DLGAP2: variants seen among roughly 807,000 people sequenced by gnomAD.
DLGAP2 encodes DLG associated protein 2.
Under a neutral mutation model 100.3 loss-of-function variants are expected in DLGAP2, and 26 were observed. The ratio of observed to expected loss-of-function variants is 0.26; its 90% CI spans 0.19 to 0.36. The LOEUF (loss-of-function observed/expected upper bound fraction) is 0.36. DLGAP2 is among the 10% of genes least tolerant of loss of function. The pLI, the probability that DLGAP2 is intolerant of heterozygous loss-of-function variation, is 1.00. For missense variants in DLGAP2, 1,858 were observed against 1,453.2 expected, an observed-to-expected ratio of 1.28 and a Z score of -4.53; for synonymous variants, 886 against 630.1, an observed-to-expected ratio of 1.41 and a Z score of -6.08.
intron 2 of DLGAP2, among the ~76,000 whole-genome samples, chr8:1,188,455 CGGA>C (rs1302235843): frequency 0.011 from 1,508 of 135,118 alleles, 256 homozygotes; most frequent in African/African-American, 0.045. Flanking sequence ...GTTTCCCTCA[CGGA>C]ATCTCGCACG....
chr8:898,618 G>A (rs551917049), intron 1 of DLGAP2, among the ~76,000 whole-genome samples: 24 of 151,918 alleles, frequency 1.6e-4, no homozygotes, highest in East Asian at 5.9e-4. Flanking sequence ...TTGGGACTCC[G>A]CGTGCTTCCA....
chr8:1,180,146 C>G (rs1797348070), intron 2 of DLGAP2, among the ~76,000 whole-genome samples: 1 of 152,194 alleles, frequency 6.6e-6, no homozygotes, highest in Admixed American at 6.5e-5. Flanking sequence ...GAACTTCCTC[C>G]TTTTCCAAAC....
At chr8:1,042,874 G>C (rs1269047485) in intron 2 of DLGAP2, among the ~76,000 whole-genome samples, 9 of 137,906 alleles carry the variant, frequency 6.5e-5, no homozygotes, top group African/African-American at 1.1e-4. Context: ...GTGGGTGTGG[G>C]TGGTGGGTGT....
chr8:1,420,295 A>T (rs781729402), intron 3 of DLGAP2, among the ~76,000 whole-genome samples: 60 of 152,080 alleles, frequency 3.9e-4, no homozygotes, highest in South Asian at 2.1e-4. Flanking sequence ...TATTGCCCTT[A>T]TTACTTAGGA....
chr8:1,256,000 G>T (rs1799199848), intron 2 of DLGAP2, among the ~76,000 whole-genome samples: 1 of 123,246 alleles, frequency 8.1e-6, no homozygotes, highest in Non-Finnish European at 1.6e-5. Context: ...GTCCTCTCCT[G>T]CCTGGGTGCT....
At chr8:759,892 G>A (rs147503022) in intron 1 of DLGAP2, among the ~76,000 whole-genome samples, 1 of 152,192 alleles carries the variant, frequency 6.6e-6, no homozygotes, top group African/African-American at 2.4e-5. Context: ...GGCAGTGTCA[G>A]TTGACAGCCC....
At chr8:1,207,776 G>A (rs9774082) in intron 2 of DLGAP2, among the ~76,000 whole-genome samples, 83,495 of 151,770 alleles carry the variant, frequency 0.55, 25,202 homozygotes, top group African/African-American at 0.81. Flanking sequence ...GTGAGGTGGT[G>A]TCACACTGTG....
chr8:1,172,644 T>C (rs1277636660), intron 2 of DLGAP2, among the ~76,000 whole-genome samples: 5 of 152,296 alleles, frequency 3.3e-5, no homozygotes, highest in South Asian at 2.1e-4. Context: ...TCATCTTCCA[T>C]CGCTGATACC....
chr8:1,057,152 T>C (rs760721741), intron 2 of DLGAP2, among the ~76,000 whole-genome samples: 25 of 152,220 alleles, frequency 1.6e-4, no homozygotes, highest in Non-Finnish European at 2.6e-4. Context: ...CCTTTCAGTG[T>C]GAGAATACTT....
intron 3 of DLGAP2, among the ~76,000 whole-genome samples, chr8:1,332,343 G>A (rs569831945): frequency 1.3e-5 from 2 of 151,404 alleles, no homozygotes; most frequent in Non-Finnish European, 2.9e-5. Context: ...TGCATGTATT[G>A]TGTGTGTGTA....
At chr8:1,193,617 C>T (rs113604634) in intron 2 of DLGAP2, among the ~76,000 whole-genome samples, 89 of 152,222 alleles carry the variant, frequency 5.8e-4, no homozygotes, top group African/African-American at 2.0e-3. Flanking sequence ...TCTGTGTGTC[C>T]GCTGGTGGAT....
intron 6 of DLGAP2, among the ~76,000 whole-genome samples, chr8:1,570,955 AGAG>A (rs1390281666): frequency 2.6e-4 from 31 of 121,088 alleles, no homozygotes; most frequent in African/African-American, 9.2e-4. Context: ...GATGAGATGG[AGAG>A]GAGAGAGGGG....
intron 2 of DLGAP2, among the ~76,000 whole-genome samples, chr8:1,148,009 T>G (rs1796636100): frequency 6.6e-6 from 1 of 152,232 alleles, no homozygotes; most frequent in Admixed American, 6.5e-5. Flanking sequence ...AAGTGTTTCT[T>G]TTTCTCTACT....
At chr8:1,186,657 A>T (rs1259342937) in intron 2 of DLGAP2, among the ~76,000 whole-genome samples, 1 of 152,072 alleles carries the variant, frequency 6.6e-6, no homozygotes, top group Non-Finnish European at 1.5e-5. Context: ...GGATATGACC[A>T]TTCCCTTTTT....
chr8:1,511,035 A>G (rs1584969952), intron 4 of DLGAP2, among the ~76,000 whole-genome samples: 1 of 152,260 alleles, frequency 6.6e-6, no homozygotes, highest in African/African-American at 2.4e-5. Context: ...TGTTCTCCCC[A>G]GGGCATCAGT....
intron 4 of DLGAP2, among the ~76,000 whole-genome samples, chr8:1,517,737 G>A (rs1429254506): frequency 2.0e-5 from 3 of 152,234 alleles, no homozygotes; most frequent in Non-Finnish European, 4.4e-5. Context: ...TACGCTTGGA[G>A]TTTTGGTGTG....
intron 7 of DLGAP2, among the ~76,000 whole-genome samples, chr8:1,627,851 G>A (rs985206265): frequency 1.3e-4 from 20 of 150,938 alleles, no homozygotes; most frequent in African/African-American, 2.9e-4. Flanking sequence ...AGCCTGAGCC[G>A]ACCTCACATT....
chr8:1,074,963 G>A (rs772038560), intron 2 of DLGAP2, among the ~76,000 whole-genome samples: 6 of 149,858 alleles, frequency 4.0e-5, no homozygotes, highest in Non-Finnish European at 8.8e-5. Flanking sequence ...CCAACAAACA[G>A]TGCAGCAGGG....
intron 4 of DLGAP2, among the ~76,000 whole-genome samples, chr8:1,539,430 A>T (rs745371188): frequency 6.6e-6 from 1 of 152,028 alleles, no homozygotes; most frequent in Non-Finnish European, 1.5e-5. Flanking sequence ...CCTATGATGG[A>T]CGGCTCTAAT....
Sources: gnomAD v4.1 joint callset for allele counts (sites outside exome capture counted in the v4.1 genomes callset) on GRCh38, gnomAD v4.1.1 for gene constraint, MANE v1.5 for transcripts, NCBI Gene and HGNC (gene_info 2026-07-23, HGNC 2026-07-21) for gene names.